The following LYAR variants were observed in gnomAD, a reference collection of about 807,000 sequenced individuals.
The protein encoded by LYAR is Ly1 antibody reactive.
In LYAR, 37 loss-of-function variants were observed where a neutral mutation model predicts 45.2. The observed-to-expected ratio is 0.82, with a 90% CI of 0.63 to 1.08. LYAR has a LOEUF of 1.08. LYAR is among the 50% of genes least tolerant of loss of function. The pLI is 0.00. For missense variants in LYAR, 493 were observed against 451.0 expected, an observed-to-expected ratio of 1.09 and a Z score of -0.84; for synonymous variants, 176 against 155.1, an observed-to-expected ratio of 1.14 and a Z score of -1.00.
intron 8 of LYAR, among the ~76,000 whole-genome samples, chr4:4,269,206 G>C (rs1442249103): frequency 6.6e-6 from 1 of 152,182 alleles, no homozygotes; most frequent in African/African-American, 2.4e-5. Flanking sequence ...CTGTACCCCA[G>C]ATCTGGAGTT....
chr4:4,270,820 C>G (rs1002700791), intron 8 of LYAR, among the ~76,000 whole-genome samples: 2 of 152,318 alleles, frequency 1.3e-5, no homozygotes, highest in Non-Finnish European at 2.9e-5. Flanking sequence ...CCTTTACACA[C>G]TGCTACTGGG....
intron 3 of LYAR, among the ~76,000 whole-genome samples, chr4:4,282,774 C>A (rs533316033): frequency 1.3e-5 from 2 of 152,334 alleles, no homozygotes; most frequent in African/African-American, 4.8e-5. Flanking sequence ...TTCACAGAGG[C>A]CTCCTCAGTG....
chr4:4,287,914 G>A (rs1157859648), intron 1 of LYAR, among the ~76,000 whole-genome samples: 2 of 152,214 alleles, frequency 1.3e-5, no homozygotes, highest in African/African-American at 4.8e-5. Flanking sequence ...GTCAGGGTCT[G>A]GACAGCAAAG....
intron 8 of LYAR, among the ~76,000 whole-genome samples, chr4:4,273,302 T>C (rs1305606150): frequency 3.3e-5 from 5 of 152,242 alleles, no homozygotes; most frequent in African/African-American, 1.2e-4. Flanking sequence ...TTCTTATATA[T>C]ACCTCTGGAG....
At chr4:4,280,784 T>C (rs1025615270) in intron 4 of LYAR, among the ~76,000 whole-genome samples, 1 of 152,232 alleles carries the variant, frequency 6.6e-6, no homozygotes, top group African/African-American at 2.4e-5. Context: ...CCCAGTAGTA[T>C]GCTCATTCAG....
At chr4:4,274,839 C>T in intron 6 of LYAR, 70 bp from the exon 7 acceptor site, 1 of 1,413,710 alleles carries the variant, frequency 7.1e-7, no homozygotes, top group Non-Finnish European at 9.6e-7. Flanking sequence ...CACGTTATTG[C>T]CTGGGCCTAC....
At chr4:4,288,486 CTTTTTTTTTTT>C (rs11338207) in intron 1 of LYAR, among the ~76,000 whole-genome samples, 2 of 121,020 alleles carry the variant, frequency 1.7e-5, no homozygotes, top group Non-Finnish European at 1.7e-5. Context: ...AATTTTTTTT[CTTTTTTTTTTT>C]TTTTTTGAGA....
intron 8 of LYAR, 37 bp downstream of exon 8, chr4:4,273,546 G>A: frequency 6.7e-7 from 1 of 1,485,034 alleles, no homozygotes; most frequent in Non-Finnish European, 9.4e-7. Flanking sequence ...GAGCCGCTGT[G>A]CCCAGCCGTG....
intron 8 of LYAR, among the ~76,000 whole-genome samples, chr4:4,271,693 T>C (rs1426018134): frequency 6.6e-6 from 1 of 152,162 alleles, no homozygotes; most frequent in African/African-American, 2.4e-5. Flanking sequence ...GAGCTGGTGG[T>C]TTCTTAGAAA....
chr4:4,267,983 C>G lies in LYAR; in HGVS notation c.1046G>C (p.Arg349Thr). 6.2e-7 allele frequency: 1 copy of G among 1,612,544 alleles called. No homozygotes were observed. Among genetic ancestry groups the G allele is most frequent in the Non-Finnish European group, 8.5e-7 (1 of 1,179,724 alleles). The part of the protein sequence containing the change: ...QYYTVTDEHH[R>T]SEEELLVIFN... ...GATGACCAGGAGTTCCTCTTCGGAT[C>G]TGTGATGCTCATCTGTCACTGTGTA... The change falls in exon 10 of 10, where the codon AGA (arginine) becomes ACA (threonine). Residue 349 changes from arginine to threonine, a missense_variant. By Grantham distance (71) the Arg-to-Thr change is moderately conservative. Coordinates refer to ENST00000343470, the MANE Select transcript of LYAR (RefSeq NM_017816.3).
chr4:4,274,245 CA>C (rs200119744), intron 7 of LYAR, 121 bp downstream of exon 7: 14,463 of 988,266 alleles, frequency 0.015, 56 homozygotes, highest in South Asian at 0.025. Context: ...TCAAAAAAAA[CA>C]AAAAAAAAAA....
intron 4 of LYAR, among the ~76,000 whole-genome samples, 199 bp downstream of exon 4, chr4:4,281,584 G>C (rs1719395121): frequency 6.6e-6 from 1 of 152,212 alleles, no homozygotes; most frequent in Non-Finnish European, 1.5e-5. Flanking sequence ...CTCCCAAAGT[G>C]CTGGGATTAC....
At chr4:4,269,733 CAACT>C (rs1463430977) in intron 8 of LYAR, among the ~76,000 whole-genome samples, 2 of 152,162 alleles carry the variant, frequency 1.3e-5, no homozygotes, top group Non-Finnish European at 2.9e-5. Context: ...CTTACAAAAA[CAACT>C]AACTCAAAAT....
chr4:4,281,030 T>C (rs1719371087), intron 4 of LYAR, among the ~76,000 whole-genome samples: 1 of 152,246 alleles, frequency 6.6e-6, no homozygotes, highest in South Asian at 2.1e-4. Flanking sequence ...CCATTTCTAC[T>C]GTGCATGTTT....
chr4:4,284,032 T>C (rs73194089), intron 2 of LYAR, among the ~76,000 whole-genome samples: 5,539 of 152,316 alleles, frequency 0.036, 136 homozygotes, highest in Non-Finnish European at 0.05. Context: ...TTTACATTTA[T>C]TCACTTATTC....
intron 6 of LYAR, among the ~76,000 whole-genome samples, chr4:4,276,911 G>A (rs2108843699): frequency 6.6e-6 from 1 of 152,288 alleles, no homozygotes; most frequent in East Asian, 1.9e-4. Context: ...AGTAGCAGTG[G>A]CTTAGCAGCA....
intron 6 of LYAR, among the ~76,000 whole-genome samples, chr4:4,276,737 A>C (rs1052366111): frequency 6.6e-6 from 1 of 151,526 alleles, no homozygotes; most frequent in East Asian, 2.0e-4. Flanking sequence ...AGCGCCTGTA[A>C]TCCTAGCTAC....
chr4:4,281,080 C>A (rs960757595), intron 4 of LYAR, among the ~76,000 whole-genome samples: 1 of 152,112 alleles, frequency 6.6e-6, no homozygotes, highest in East Asian at 1.9e-4. Context: ...TCTGCATTGA[C>A]GAAAGTATCT....
At chr4:4,284,853 A>AGGACTTCATCCCGATGCATCCT (rs1719543250) in intron 2 of LYAR, among the ~76,000 whole-genome samples, 2 of 152,222 alleles carry the variant, frequency 1.3e-5, no homozygotes, top group South Asian at 4.1e-4. Flanking sequence ...AGGGTCAAGT[A>AGGACTTCATCCCGATGCATCCT]AACCGATGCA....
Sources: allele counts gnomAD v4.1 joint callset (sites outside exome capture counted in the v4.1 genomes callset), GRCh38; gene constraint gnomAD v4.1.1; transcripts MANE v1.5; gene names NCBI Gene and HGNC (gene_info 2026-07-23, HGNC 2026-07-21).